HYDIN: variants seen among roughly 807,000 people sequenced by gnomAD.
HYDIN encodes the protein axonemal central pair apparatus protein HYDIN.
HYDIN carries 132 observed loss-of-function variants against 403.9 expected under a neutral mutation model. The ratio of observed to expected loss-of-function variants is 0.33; its 90% CI spans 0.28 to 0.38. The LOEUF (loss-of-function observed/expected upper bound fraction) is 0.38, where lower values mean the gene tolerates loss of function less well. Ranked by LOEUF, HYDIN falls within the 10% of genes least tolerant of loss-of-function variation. The pLI, the probability that HYDIN is intolerant of heterozygous loss-of-function variation, is 1.00. For missense variants in HYDIN, 2,827 were observed against 5,009.5 expected, an observed-to-expected ratio of 0.56 and a Z score of 13.15; for synonymous variants, 1,202 against 1,891.7, an observed-to-expected ratio of 0.64 and a Z score of 9.46.
At chr16:70,899,108 C>G (rs1024235691) in intron 53 of HYDIN, among the ~76,000 whole-genome samples, 12 of 151,370 alleles carry the variant, frequency 7.9e-5, no homozygotes, top group African/African-American at 2.7e-4. Context: ...TTCATTCATT[C>G]ATTAGATTCT....
chr16:70,979,365 G>A (rs1415633305), intron 29 of HYDIN, among the ~76,000 whole-genome samples: 2 of 151,628 alleles, frequency 1.3e-5, no homozygotes, highest in Admixed American at 1.3e-4. Flanking sequence ...GGTTTTCTTG[G>A]TTCTAGCACT....
At chr16:70,921,904 C>A (rs1253923608) in intron 45 of HYDIN, among the ~76,000 whole-genome samples, 2 of 152,242 alleles carry the variant, frequency 1.3e-5, no homozygotes, top group Non-Finnish European at 2.9e-5. Context: ...CTTTTTCTTA[C>A]TGCACTTTTA....
chr16:71,183,628 A>C (rs1055957841), intron 3 of HYDIN, among the ~76,000 whole-genome samples: 1 of 152,124 alleles, frequency 6.6e-6, no homozygotes, highest in Admixed American at 6.5e-5. Context: ...CTGTTATGAA[A>C]ATTTGTGGCC....
At chr16:71,130,483 T>G (rs1337694571) in intron 8 of HYDIN, among the ~76,000 whole-genome samples, 2 of 138,702 alleles carry the variant, frequency 1.4e-5, no homozygotes, top group East Asian at 2.1e-4. Context: ...TTTTTTTTTT[T>G]TTTTTTTTTT....
intron 42 of HYDIN, 48 bp downstream of exon 42, chr16:70,943,764 T>C (rs1159599240): frequency 6.3e-7 from 1 of 1,591,802 alleles, no homozygotes; most frequent in East Asian, 2.2e-5. Flanking sequence ...GTGGGGATGG[T>C]GCGTGAATGC....
intron 18 of HYDIN, among the ~76,000 whole-genome samples, chr16:71,056,277 C>T (rs1158074179): frequency 1.3e-5 from 2 of 152,018 alleles, no homozygotes; most frequent in Non-Finnish European, 2.9e-5. Flanking sequence ...TTCCAGGTCA[C>T]AGAACATTCT....
intron 18 of HYDIN, among the ~76,000 whole-genome samples, chr16:71,043,645 T>C (rs2081357230): frequency 1.3e-5 from 2 of 152,098 alleles, no homozygotes; most frequent in Non-Finnish European, 2.9e-5. Flanking sequence ...TTTACTTTCC[T>C]GAGATTTTTA....
At chr16:70,996,539 G>A (rs1346891952) in intron 23 of HYDIN, among the ~76,000 whole-genome samples, 5 of 151,878 alleles carry the variant, frequency 3.3e-5, no homozygotes, top group Admixed American at 6.6e-5. Context: ...AGAACCCTCC[G>A]CATCTGATTG....
rs1452138238 is a variant in HYDIN at position 70,850,629 on chromosome 16, G to A, written c.12470C>T (p.Pro4157Leu). ...AAAGTTCACATCTCCTTCCTGCTTTGGTGTGAAGAAAATATCAATTGGGAA... is the reference window on the plus strand; with the variant it reads ...AAAGTTCACATCTCCTTCCTGCTTTAGTGTGAAGAAAATATCAATTGGGAA... ...SRFPIDIFFT[P>L]KQEGDVNFNL... Residue 4157 changes from proline (P) to leucine (L), a missense_variant, in exon 74 of 86, where the codon CCA (proline) becomes CTA (leucine). By Grantham distance (98) the Pro-to-Leu change is moderately conservative. Coordinates refer to ENST00000393567, the MANE Select transcript of HYDIN (RefSeq NM_001270974.2). 1 of 1,613,902 alleles carries A rather than the reference G, an allele frequency of 6.2e-7. No individual in the cohort carries two copies. Among genetic ancestry groups the A allele is most frequent in the African/African-American group, 1.3e-5 (1 of 74,986 alleles).
chr16:70,902,794 AATATATAT>A (rs1264288990), intron 52 of HYDIN, among the ~76,000 whole-genome samples: 22 of 61,128 alleles, frequency 3.6e-4, no homozygotes, highest in East Asian at 1.3e-3. Flanking sequence ...CTACTCTTTA[AATATATAT>A]ATATATATAT....
chr16:70,994,294 G>GATGC (rs1276966792), intron 23 of HYDIN, among the ~76,000 whole-genome samples: 1 of 151,072 alleles, frequency 6.6e-6, no homozygotes, highest in Non-Finnish European at 1.5e-5. Context: ...TGGATGGATG[G>GATGC]ATGGATGGAT....
At chr16:71,205,121 G>A (rs2088225415) in intron 1 of HYDIN, among the ~76,000 whole-genome samples, 1 of 152,208 alleles carries the variant, frequency 6.6e-6, no homozygotes, top group African/African-American at 2.4e-5. Flanking sequence ...CAGCCAATGA[G>A]ATAGAAGTCG....
chr16:70,859,377 G>A (rs114800268), intron 71 of HYDIN, among the ~76,000 whole-genome samples: 5,285 of 152,236 alleles, frequency 0.035, 333 homozygotes, highest in African/African-American at 0.12. Context: ...CTTGGCCCCC[G>A]TTGTCTGCAA....
intron 18 of HYDIN, among the ~76,000 whole-genome samples, chr16:71,046,939 T>A (rs1464712709): frequency 6.6e-6 from 1 of 152,044 alleles, no homozygotes; most frequent in African/African-American, 2.4e-5. Flanking sequence ...TTGATGATGA[T>A]GCTGGTAATG....
At chr16:70,979,588 C>A (rs1774305) in intron 29 of HYDIN, among the ~76,000 whole-genome samples, 48 of 152,186 alleles carry the variant, frequency 3.2e-4, no homozygotes, top group Admixed American at 1.7e-3. Flanking sequence ...CCACTACGCC[C>A]GTGCAAATTC....
At chr16:71,191,535 G>A (rs1349358320) in intron 1 of HYDIN, among the ~76,000 whole-genome samples, 4 of 152,128 alleles carry the variant, frequency 2.6e-5, no homozygotes, top group Non-Finnish European at 2.9e-5. Context: ...GGTCAATCCA[G>A]CTGTTCCAGT....
At position 71,115,745 on chromosome 16, in the gene HYDIN, G is replaced by A; in HGVS notation, c.1278C>T (p.Asn426=). The stretch of plus-strand genomic sequence containing the variant: ...GTTGATAGAGCTTGGCTTCTAGTGG[G>A]TTAAAGTACACGGTGATTTCAGCTG... ...NSSAEITVYF[N]PLEAKLYQQT... is the part of the protein sequence containing the mutation. Residue 426 remains asparagine (N), a synonymous_variant, in exon 10 of 86, where the codon AAC becomes AAT. Coordinates refer to ENST00000393567, the MANE Select transcript of HYDIN (RefSeq NM_001270974.2). 9.0e-7 allele frequency: 1 copy of A among 1,107,038 alleles called. No homozygotes were observed. Among genetic ancestry groups the A allele is most frequent in the Non-Finnish European group, 1.4e-6 (1 of 721,524 alleles). The allele number at this position is 1,107,038 out of a possible 1,614,324, so 68.6% of individuals were successfully genotyped here. A position where few individuals can be genotyped will look rare whatever the true frequency, so the allele number is the denominator to read the frequency against.
intron 38 of HYDIN, 54 bp from the exon 39 acceptor site, chr16:70,959,874 G>A (rs1477716818): frequency 3.3e-5 from 19 of 568,546 alleles, no homozygotes; most frequent in African/African-American, 2.8e-4. Context: ...CTACACAGCC[G>A]GAATTTACAT....
chr16:70,879,064 T>C (rs2040619388), intron 62 of HYDIN, among the ~76,000 whole-genome samples: 1 of 150,796 alleles, frequency 6.6e-6, no homozygotes, highest in Non-Finnish European at 1.5e-5. Flanking sequence ...TGCACATCAC[T>C]GCACACTACC....
Sources: allele counts gnomAD v4.1 joint callset (sites outside exome capture counted in the v4.1 genomes callset), GRCh38; gene constraint gnomAD v4.1.1; transcripts MANE v1.5; gene names NCBI Gene and HGNC (gene_info 2026-07-23, HGNC 2026-07-21).